The following TXNDC16 variants were observed in gnomAD, a reference collection of about 807,000 sequenced individuals.
TXNDC16 encodes the protein thioredoxin domain-containing protein 16.
A neutral mutation model predicts 85.6 loss-of-function variants in TXNDC16; 74 were observed. That is an observed-to-expected ratio of 0.86 (90% CI 0.72 to 1.05). The LOEUF (loss-of-function observed/expected upper bound fraction) is 1.05. Ranked by LOEUF, TXNDC16 falls within the 50% of genes least tolerant of loss-of-function variation. The pLI is 0.00. For missense variants in TXNDC16, 959 were observed against 947.0 expected, an observed-to-expected ratio of 1.01 and a Z score of -0.17; for synonymous variants, 335 against 326.5, an observed-to-expected ratio of 1.03 and a Z score of -0.28.
chr14:52,491,068 TCTC>T (rs1421676077), intron 9 of TXNDC16, 63 bp from the exon 10 acceptor site: 18 of 1,492,698 alleles, frequency 1.2e-5, no homozygotes, highest in Middle Eastern at 1.9e-4. Flanking sequence ...GGATTTAAAT[TCTC>T]CTAATTCTTA....
chr14:52,480,063 G>C (rs900196935), intron 14 of TXNDC16, among the ~76,000 whole-genome samples: 2 of 151,954 alleles, frequency 1.3e-5, no homozygotes, highest in African/African-American at 4.8e-5. Context: ...TATAAAGTGG[G>C]GAAAGACCTA....
At chr14:52,475,192 C>A (rs2035993153) in intron 14 of TXNDC16, among the ~76,000 whole-genome samples, 1 of 152,160 alleles carries the variant, frequency 6.6e-6, no homozygotes, top group South Asian at 2.1e-4. Context: ...CCCTACCAAG[C>A]CATTTGTGCC....
intron 16 of TXNDC16, among the ~76,000 whole-genome samples, chr14:52,460,480 T>G (rs1172035253): frequency 6.6e-6 from 1 of 152,218 alleles, no homozygotes; most frequent in Non-Finnish European, 1.5e-5. Flanking sequence ...CTGACAATGT[T>G]TTTCATGTAA....
intron 6 of TXNDC16, 36 bp from the exon 7 acceptor site, chr14:52,519,329 TG>T: frequency 6.6e-7 from 1 of 1,512,716 alleles, no homozygotes. Flanking sequence ...TAGAAAAATC[TG>T]ATATGTATTT....
intron 6 of TXNDC16, among the ~76,000 whole-genome samples, chr14:52,532,119 C>A (rs2037594400): frequency 6.6e-6 from 1 of 151,936 alleles, no homozygotes; most frequent in Admixed American, 6.6e-5. Flanking sequence ...TTGAAGAACA[C>A]AATAGGGAAA....
intron 14 of TXNDC16, 118 bp from the exon 15 acceptor site, chr14:52,470,798 G>A: frequency 1.2e-6 from 1 of 839,234 alleles, no homozygotes; most frequent in Non-Finnish European, 1.8e-6. Flanking sequence ...AAACACTCCT[G>A]CTTAAACACT....
chr14:52,442,976 C>A (rs7147086), intron 18 of TXNDC16, among the ~76,000 whole-genome samples: 1 of 151,982 alleles, frequency 6.6e-6, no homozygotes. Flanking sequence ...CTTATTGGTT[C>A]GAAATTAAAC....
chr14:52,518,133 C>T (rs2037127835), intron 7 of TXNDC16, among the ~76,000 whole-genome samples: 1 of 152,226 alleles, frequency 6.6e-6, no homozygotes, highest in South Asian at 2.1e-4. Flanking sequence ...GTCTCCTTTA[C>T]TGGTTCATCC....
At chr14:52,479,024 A>T (rs1432315216) in intron 14 of TXNDC16, among the ~76,000 whole-genome samples, 3 of 152,200 alleles carry the variant, frequency 2.0e-5, no homozygotes, top group Non-Finnish European at 4.4e-5. Context: ...CAAGTCAATA[A>T]ATGCGATACA....
chr14:52,463,725 C>A (rs1250859639), intron 16 of TXNDC16, among the ~76,000 whole-genome samples: 9 of 152,136 alleles, frequency 5.9e-5, no homozygotes, highest in Non-Finnish European at 1.5e-5. Flanking sequence ...ATAGAGAAAC[C>A]TTTAGTCTGA....
intron 20 of TXNDC16, among the ~76,000 whole-genome samples, chr14:52,438,392 C>T (rs2035082468): frequency 6.6e-6 from 1 of 152,186 alleles, no homozygotes; most frequent in South Asian, 2.1e-4. Flanking sequence ...TTCAGCACTT[C>T]AGCAACTACC....
At chr14:52,480,969 A>ATG (rs2036133429) in intron 14 of TXNDC16, among the ~76,000 whole-genome samples, 1 of 85,120 alleles carries the variant, frequency 1.2e-5, no homozygotes. Context: ...GTGTATATAT[A>ATG]TATATGTATA....
intron 16 of TXNDC16, chr14:52,462,936 T>C (rs1341557767): frequency 2.2e-6 from 1 of 455,946 alleles, no homozygotes; most frequent in Admixed American, 2.3e-5. Context: ...GGCTCTCAGA[T>C]TTCCTCACAA....
At chr14:52,455,228 AC>A (rs1326145476) in intron 18 of TXNDC16, 95 bp downstream of exon 18, 66 of 1,444,602 alleles carry the variant, frequency 4.6e-5, no homozygotes, top group Non-Finnish European at 5.6e-5. Flanking sequence ...CCTGCCCTGT[AC>A]CAGCAAAAAA....
chr14:52,458,078 C>T lies in TXNDC16; in HGVS notation c.1619-904G>A, dbSNP rs772822330. Among the ~76,000 whole-genome samples, 4 of 152,186 alleles carry T rather than the reference C, an allele frequency of 2.6e-5. 1 individual carries two copies. The highest frequency in any genetic ancestry group is 6.5e-5 in the Admixed American group (1 of 15,284). The stretch of plus-strand genomic sequence containing the variant: ...GCATGCTGAACCCAAAGATCTGTAC[C>T]TCAGCAGTCAGCACTACATTCATGA... On this transcript the variant is annotated intron_variant, in intron 16 of 20. Coordinates refer to ENST00000281741, the MANE Select transcript of TXNDC16 (RefSeq NM_020784.3).
At chr14:52,450,850 GTT>G (rs1360922236) in intron 18 of TXNDC16, among the ~76,000 whole-genome samples, 221 of 59,008 alleles carry the variant, frequency 3.7e-3, no homozygotes, top group Non-Finnish European at 5.1e-3. Context: ...AAGAAAATGT[GTT>G]TTATATATAT....
intron 17 of TXNDC16, 128 bp from the exon 18 acceptor site, chr14:52,455,590 C>T (rs1040283607): frequency 2.9e-6 from 3 of 1,034,816 alleles, no homozygotes; most frequent in Non-Finnish European, 1.4e-6. Context: ...AAAAAATGAA[C>T]TCCATTTCCA....
At chr14:52,439,884 C>CTG (rs375775308) in intron 19 of TXNDC16, among the ~76,000 whole-genome samples, 41,108 of 152,014 alleles carry the variant, frequency 0.27, 5,685 homozygotes, top group East Asian at 0.39. Flanking sequence ...CAAGGAAACT[C>CTG]TAAGTTAAAG....
chr14:52,536,832 C>A, intron 5 of TXNDC16, 39 bp from the exon 6 acceptor site: 1 of 1,480,316 alleles, frequency 6.8e-7, no homozygotes, highest in Admixed American at 1.8e-5. Flanking sequence ...TTGAAAAATA[C>A]AAAAAATATT....
Sources: allele counts gnomAD v4.1 joint callset (sites outside exome capture counted in the v4.1 genomes callset), GRCh38; gene constraint gnomAD v4.1.1; transcripts MANE v1.5; gene names NCBI Gene and HGNC (gene_info 2026-07-23, HGNC 2026-07-21).